EGFLAM: variants seen among roughly 807,000 people sequenced by gnomAD.
The protein encoded by EGFLAM is pikachurin.
A neutral mutation model predicts 113.1 loss-of-function variants in EGFLAM; 79 were observed. That is an observed-to-expected ratio of 0.70 (90% confidence interval 0.58 to 0.84). The LOEUF is 0.84. Ranked by LOEUF, EGFLAM falls within the 40% of genes least tolerant of loss-of-function variation. The probability of loss-of-function intolerance (pLI) is 0.00; values close to 1 mark genes in which losing one functional copy is unlikely to be tolerated. For synonymous variants in EGFLAM, 504 were observed against 487.6 expected (o/e 1.03, Z -0.44); for missense variants, 1,265 against 1,291.6 (o/e 0.98, Z 0.32).
At chr5:38,310,799 C>T in intron 1 of EGFLAM, among the ~76,000 whole-genome samples, 1 of 152,144 alleles carries the variant, frequency 6.6e-6, no homozygotes, top group Non-Finnish European at 1.5e-5. Flanking sequence ...CCTGACACGC[C>T]ACTATTTAAG....
chr5:38,364,080 A>T (rs1267459402), intron 5 of EGFLAM, among the ~76,000 whole-genome samples: 1 of 152,234 alleles, frequency 6.6e-6, no homozygotes, highest in Non-Finnish European at 1.5e-5. Flanking sequence ...TTGAATTCTG[A>T]AGATATTTTA....
At chr5:38,431,782 C>G (rs1390025721) in intron 15 of EGFLAM, among the ~76,000 whole-genome samples, 2 of 152,142 alleles carry the variant, frequency 1.3e-5, no homozygotes, top group African/African-American at 4.8e-5. Context: ...GCATTATCCT[C>G]TTATCAATGG....
At chr5:38,353,354 T>C (rs1271317693) in intron 5 of EGFLAM, among the ~76,000 whole-genome samples, 2 of 152,196 alleles carry the variant, frequency 1.3e-5, no homozygotes, top group Non-Finnish European at 2.9e-5. Context: ...CTGAAAACAA[T>C]GTTTGTGGAG....
intron 6 of EGFLAM, among the ~76,000 whole-genome samples, chr5:38,373,003 T>G (rs901662407): frequency 6.6e-6 from 1 of 152,198 alleles, no homozygotes; most frequent in African/African-American, 2.4e-5. Flanking sequence ...AAATTAAAAC[T>G]GTTAAATTTT....
At chr5:38,332,248 G>A (rs1739062395) in intron 1 of EGFLAM, among the ~76,000 whole-genome samples, 1 of 152,042 alleles carries the variant, frequency 6.6e-6, no homozygotes, top group Non-Finnish European at 1.5e-5. Flanking sequence ...TGTCTGTTAA[G>A]GTCTTGGTCC....
At position 38,465,222 on chromosome 5, in the gene EGFLAM, C is replaced by G. The variant is rs1476772030; in HGVS notation, c.*1236C>G. Among the ~76,000 whole-genome samples, 2 of 152,148 alleles carry G rather than the reference C, an allele frequency of 1.3e-5. No homozygotes were observed. Among genetic ancestry groups the G allele is most frequent in the Non-Finnish European group, 2.9e-5 (2 of 68,040 alleles). On this transcript the variant is annotated 3_prime_UTR_variant, in exon 22 of 22. Coordinates refer to ENST00000322350, the MANE Select transcript of EGFLAM (RefSeq NM_152403.4). ...CCATGAGCTGTGTCCCTTTACTATG[C>G]AAGCACATGACCCCAGAGACAGCTG...
intron 1 of EGFLAM, among the ~76,000 whole-genome samples, chr5:38,333,664 A>G (rs192095426): frequency 2.0e-5 from 3 of 152,082 alleles, no homozygotes; most frequent in Admixed American, 1.3e-4. Flanking sequence ...TTTCTCTTGT[A>G]AATTTGTTTA....
At chr5:38,389,569 G>A (rs906812483) in intron 6 of EGFLAM, among the ~76,000 whole-genome samples, 51 of 152,074 alleles carry the variant, frequency 3.4e-4, no homozygotes, top group Admixed American at 3.0e-3. Context: ...TAAAAATTTT[G>A]TCAGTTTATA....
chr5:38,443,061 T>G (rs1742596791), intron 17 of EGFLAM, among the ~76,000 whole-genome samples: 1 of 149,404 alleles, frequency 6.7e-6, no homozygotes, highest in Non-Finnish European at 1.5e-5. Flanking sequence ...AAGTCAGGAG[T>G]TTGGGACTAG....
intron 12 of EGFLAM, among the ~76,000 whole-genome samples, chr5:38,420,319 G>A (rs1223786046): frequency 6.6e-6 from 1 of 152,236 alleles, no homozygotes; most frequent in African/African-American, 2.4e-5. Context: ...AAAGTAAACA[G>A]TAAGCAGCAA....
In EGFLAM at chr5:38,350,591, C is replaced by A. The variant is rs780233990; in HGVS notation, c.382C>A (p.Pro128Thr). 2.6e-5 allele frequency: 42 copies of A among 1,613,904 alleles called. No individual in the cohort carries two copies. The highest frequency in any genetic ancestry group is 3.6e-5 in the Non-Finnish European group (42 of 1,179,962). ...SQAGKGRLSS[P>T]RHVTTLSQDS... ...GGCTGGCAAAGGGCGGCTGAGCTCT[C>A]CTCGGCATGTCACCACTTTGTCCCA... Residue 128 changes from proline (P) to threonine (T), a missense_variant, in exon 4 of 22, where the codon CCT (proline) becomes ACT (threonine). Pro to Thr is a conservative substitution (Grantham distance 38, BLOSUM62 -1). Transcript: ENST00000322350.
At chr5:38,302,206 C>T (rs147073607) in intron 1 of EGFLAM, among the ~76,000 whole-genome samples, 182 of 148,282 alleles carry the variant, frequency 1.2e-3, no homozygotes, top group African/African-American at 3.4e-3. Context: ...CATTGCACTC[C>T]GGCCTGGGTG....
intron 14 of EGFLAM, among the ~76,000 whole-genome samples, chr5:38,430,616 G>T (rs937654339): frequency 1.3e-5 from 2 of 152,080 alleles, no homozygotes; most frequent in African/African-American, 4.8e-5. Context: ...GTTCATCAGG[G>T]TTCTCCAGGG....
intron 5 of EGFLAM, among the ~76,000 whole-genome samples, chr5:38,363,189 G>T (rs376151778): frequency 9.9e-5 from 15 of 151,972 alleles, no homozygotes; most frequent in East Asian, 9.7e-4. Flanking sequence ...AGCAAATCCT[G>T]CATAAAACCA....
At chr5:38,409,138 T>TG in intron 10 of EGFLAM, 34 bp downstream of exon 10, 2 of 1,486,922 alleles carry the variant, frequency 1.3e-6, no homozygotes, top group Admixed American at 4.3e-5. Context: ...ACTCTTTTTT[T>TG]GTTACATTAT....
At chr5:38,410,343 A>G (rs1190039889) in intron 10 of EGFLAM, among the ~76,000 whole-genome samples, 2 of 152,120 alleles carry the variant, frequency 1.3e-5, no homozygotes, top group Admixed American at 6.6e-5. Flanking sequence ...CACTTGGAGG[A>G]TCGGATAGAC....
chr5:38,365,008 C>T (rs1420755985), intron 5 of EGFLAM, among the ~76,000 whole-genome samples: 1 of 152,104 alleles, frequency 6.6e-6, no homozygotes, highest in African/African-American at 2.4e-5. Context: ...CCTCTAAGGC[C>T]AGTAGAGTGG....
intron 18 of EGFLAM, 51 bp downstream of exon 18, chr5:38,448,430 C>G: frequency 1.3e-6 from 2 of 1,569,380 alleles, no homozygotes; most frequent in Non-Finnish European, 1.8e-6. Flanking sequence ...GTAAATTTCT[C>G]TATATCTTTC....
intron 1 of EGFLAM, among the ~76,000 whole-genome samples, chr5:38,324,992 G>A (rs1738839055): frequency 6.6e-6 from 1 of 152,192 alleles, no homozygotes; most frequent in African/African-American, 2.4e-5. Flanking sequence ...CTGTTATGTG[G>A]AATTTGAGAG....
Sources: gnomAD v4.1 joint callset for allele counts (sites outside exome capture counted in the v4.1 genomes callset) on GRCh38, gnomAD v4.1.1 for gene constraint, MANE v1.5 for transcripts, NCBI Gene and HGNC (gene_info 2026-07-23, HGNC 2026-07-21) for gene names.